Variants in PTPN20 observed in about 807,000 individuals in gnomAD.
PTPN20 encodes protein tyrosine phosphatase non-receptor type 20.
In PTPN20, 9 loss-of-function variants were observed where a neutral mutation model predicts 35.0. The ratio of observed to expected loss-of-function variants is 0.26; its 90% CI spans 0.15 to 0.45. The LOEUF (loss-of-function observed/expected upper bound fraction) is 0.45, where lower values mean the gene tolerates loss of function less well. Ranked by LOEUF, PTPN20 falls within the 20% of genes least tolerant of loss-of-function variation. PTPN20 has a pLI of 1.00. For missense variants in PTPN20, 111 were observed against 312.5 expected (o/e 0.36, Z 4.86); for synonymous variants, 32 against 100.2 (o/e 0.32, Z 4.06).
Position 46,945,559 on chromosome 10 carries a change from T to C in PTPN20, c.228-1004T>C, listed in dbSNP as rs1239376990. ...CTGGCCAATATCCTAAACTTTTGTGTCTGATAAGGGGCCTTGATTTATCCT... is the reference window on the plus strand; with the variant it reads ...CTGGCCAATATCCTAAACTTTTGTGCCTGATAAGGGGCCTTGATTTATCCT... On this transcript the variant is annotated intron_variant, in intron 4 of 10. Coordinates refer to ENST00000374339, the MANE Select transcript of PTPN20 (RefSeq NM_001042357.5). 4.6e-5 allele frequency among the ~76,000 whole-genome samples: 7 copies of C among 152,348 alleles called. No individual in the cohort carries two copies. In the East Asian group the frequency reaches 1.3e-3, roughly 29 times the overall value.
intron 9 of PTPN20, among the ~76,000 whole-genome samples, chr10:46,996,706 G>GT (rs2137844819): frequency 6.6e-6 from 1 of 152,260 alleles, no homozygotes; most frequent in East Asian, 1.9e-4. Context: ...TTGATGGCTA[G>GT]TTGTTTCAAT....
chr10:47,000,100 A>C, intron 10 of PTPN20, 126 bp downstream of exon 10: 8 of 1,422,058 alleles, frequency 5.6e-6, no homozygotes, highest in Non-Finnish European at 7.9e-6. Context: ...TTTGAGGTAG[A>C]CATTAGTTTT....
intron 9 of PTPN20, among the ~76,000 whole-genome samples, chr10:46,989,547 A>T (rs1589909745): frequency 1.4e-4 from 1 of 7,358 alleles, no homozygotes; most frequent in Non-Finnish European, 2.0e-4. Flanking sequence ...TTGTTTTGCT[A>T]GTATTTTGTT....
chr10:46,960,436 T>A (rs1208661863), intron 5 of PTPN20, among the ~76,000 whole-genome samples: 3 of 132,520 alleles, frequency 2.3e-5, no homozygotes, highest in Admixed American at 7.6e-5. Context: ...AATCTACTGA[T>A]GAGCTTATCA....
chr10:46,951,470 A>C, intron 5 of PTPN20, among the ~76,000 whole-genome samples: 1 of 152,362 alleles, frequency 6.6e-6, no homozygotes, highest in Non-Finnish European at 1.5e-5. Context: ...TACCTTAAGA[A>C]GGGAGACTTT....
intron 2 of PTPN20, among the ~76,000 whole-genome samples, chr10:46,933,376 GTA>G (rs1454150103): frequency 6.6e-6 from 1 of 151,892 alleles, no homozygotes; most frequent in African/African-American, 2.4e-5. Context: ...ATACAGTATT[GTA>G]TGTATTTTGC....
Position 46,940,759 on chromosome 10 carries a change from T to C in PTPN20, c.129+42T>C, listed in dbSNP as rs1158941684. 3.0e-5 allele frequency: 44 copies of C among 1,488,844 alleles called. No individual in the cohort carries two copies. In the South Asian group the frequency reaches 4.0e-4, roughly 14 times the overall value. The allele number at this position is 1,488,844 out of a possible 1,614,324, so 92.2% of individuals were successfully genotyped here. ...AGGGATCTCTACTAATTTTGGCTAA[T>C]ACCTAAATTGCTGACTATGCTCTCT... is the stretch of plus-strand genomic sequence containing the variant. On this transcript the variant is annotated intron_variant, in intron 3 of 10. Transcript: ENST00000374339.
rs2059211424 is a variant in PTPN20 at position 46,996,943 on chromosome 10, G to T, written c.1135-2969G>T. On this transcript the variant is annotated intron_variant, in intron 9 of 10. Transcript: ENST00000374339. ...CACGTTATTCTCCTTTTTCAAAATTGTTTGAGCTATCCTAGGGTCTGTGCT... is the reference window on the plus strand; with the variant it reads ...CACGTTATTCTCCTTTTTCAAAATTTTTTGAGCTATCCTAGGGTCTGTGCT... Among the ~76,000 whole-genome samples, 25 of 152,206 alleles carry T rather than the reference G, an allele frequency of 1.6e-4. No individual in the cohort carries two copies. In the South Asian group the frequency reaches 4.8e-3, roughly 29 times the overall value.
chr10:46,993,680 A>C (rs1409840230), intron 9 of PTPN20, among the ~76,000 whole-genome samples: 1 of 152,148 alleles, frequency 6.6e-6, no homozygotes, highest in Non-Finnish European at 1.5e-5. Context: ...CTATGCTTTA[A>C]CTCCATCCCC....
chr10:46,922,337 CT>C (rs1299073180), intron 1 of PTPN20, among the ~76,000 whole-genome samples: 5 of 104,812 alleles, frequency 4.8e-5, no homozygotes, highest in African/African-American at 2.1e-4. Context: ...GAAATGTGAA[CT>C]TTAAAGGTGC....
intron 7 of PTPN20, among the ~76,000 whole-genome samples, chr10:46,982,872 G>A (rs2055867529): frequency 1.3e-5 from 2 of 152,010 alleles, no homozygotes; most frequent in Non-Finnish European, 1.5e-5. Context: ...TTATAATTTA[G>A]TAATATAACA....
In PTPN20 at chr10:46,940,627, C is replaced by A. The variant is rs1459947802; in HGVS notation, c.39C>A (p.Asn13Lys). Residue 13 changes from asparagine (N) to lysine (K), a missense_variant, in exon 3 of 11, where the codon AAC becomes AAA. By Grantham distance (94) the Asn-to-Lys change is moderately conservative. Transcript: ENST00000374339. ...TTTCCCCCCGCCTTTGTTCAGTAAA[C>A]GATTATGAGGGAAATGACTCTGAAG... ...SPRDFRAEPVNDYEGNDSEAE... is the reference protein window; with the variant it reads ...SPRDFRAEPVKDYEGNDSEAE... The A allele has an allele frequency of 1.2e-5, 19 of 1,610,664 alleles. No homozygotes were observed. In the African/African-American group the frequency reaches 2.3e-4, roughly 19 times the overall value.
At chr10:46,931,068 AG>A (rs1190033503) in intron 1 of PTPN20, among the ~76,000 whole-genome samples, 8 of 91,500 alleles carry the variant, frequency 8.7e-5, no homozygotes, top group African/African-American at 4.9e-4. Context: ...GAACAGTTTG[AG>A]GATCTAGGTT....
intron 1 of PTPN20, among the ~76,000 whole-genome samples, chr10:46,923,210 T>C (rs2035962210): frequency 7.0e-6 from 1 of 143,772 alleles, no homozygotes; most frequent in South Asian, 2.2e-4. Context: ...GACAAGGAAG[T>C]ATACTCCCCT....
Position 46,932,305 on chromosome 10 carries a change from T to C in PTPN20, c.-123-72T>C, listed in dbSNP as rs868966804. 4.1e-4 allele frequency: 630 copies of C among 1,526,682 alleles called. 1 individual carries two copies. In the Middle Eastern group the frequency reaches 4.2e-3, roughly 10 times the overall value. 94.6% of individuals were successfully genotyped at this position (1,526,682 alleles called of 1,614,324 possible). A position where few individuals can be genotyped will look rare whatever the true frequency, so the allele number is the denominator to read the frequency against. Reference sequence around the variant, plus strand: ...GTTTTAAATATTTTGAATTGATGAGTAATAATATGTCAAAGCTGTGATAGC... The same window carrying C: ...GTTTTAAATATTTTGAATTGATGAGCAATAATATGTCAAAGCTGTGATAGC... On this transcript the variant is annotated intron_variant, in intron 1 of 10. Coordinates refer to ENST00000374339, the MANE Select transcript of PTPN20 (RefSeq NM_001042357.5).
rs1455732045 is a variant in PTPN20, at chr10:46,997,543, G to A, written c.1135-2369G>A. 7.3e-5 allele frequency among the ~76,000 whole-genome samples: 11 copies of A among 150,984 alleles called. No individual in the cohort carries two copies. In the East Asian group the frequency reaches 7.8e-4, roughly 11 times the overall value. ...TTGAATAAGAGTGGTGAGAGCAGGC[G>A]TTGTTGCCATCACTGATCTCAGAGG... On this transcript the variant is annotated intron_variant, in intron 9 of 10. Coordinates refer to ENST00000374339, the MANE Select transcript of PTPN20 (RefSeq NM_001042357.5).
chr10:46,952,069 AGG>A (rs2046871153), intron 5 of PTPN20, among the ~76,000 whole-genome samples: 1 of 109,388 alleles, frequency 9.1e-6, no homozygotes, highest in Non-Finnish European at 1.8e-5. Flanking sequence ...ATATAGAATG[AGG>A]GGAGTCAGGA....
intron 1 of PTPN20, among the ~76,000 whole-genome samples, chr10:46,918,677 T>G (rs1403213291): frequency 5.6e-5 from 8 of 142,280 alleles, no homozygotes; most frequent in East Asian, 2.0e-4. Flanking sequence ...CCAAATATTT[T>G]AGAATTTTAA....
At chr10:46,993,745 C>T (rs2058474778) in intron 9 of PTPN20, among the ~76,000 whole-genome samples, 2 of 152,196 alleles carry the variant, frequency 1.3e-5, no homozygotes, top group Non-Finnish European at 2.9e-5. Flanking sequence ...TTACCTTTCT[C>T]TTAATAGGTT....
Sources: gnomAD v4.1 joint callset for allele counts (sites outside exome capture counted in the v4.1 genomes callset) on GRCh38, gnomAD v4.1.1 for gene constraint, MANE v1.5 for transcripts, NCBI Gene and HGNC (gene_info 2026-07-23, HGNC 2026-07-21) for gene names.